REV1: variants seen among roughly 807,000 people sequenced by gnomAD.
REV1 encodes the protein translesion synthesis protein REV1.
Under a neutral mutation model 137.4 loss-of-function variants are expected in REV1, and 42 were observed. The ratio of observed to expected loss-of-function variants is 0.31; its 90% CI spans 0.24 to 0.40. The LOEUF (loss-of-function observed/expected upper bound fraction) is 0.40, where lower values mean the gene tolerates loss of function less well. Ranked by LOEUF, REV1 falls within the 10% of genes least tolerant of loss-of-function variation. REV1 has a pLI of 1.00. For synonymous variants in REV1, 524 were observed against 519.2 expected, an observed-to-expected ratio of 1.01 and a Z score of -0.12; for missense variants, 1,282 against 1,490.1, an observed-to-expected ratio of 0.86 and a Z score of 2.30.
intron 21 of REV1, 95 bp from the exon 22 acceptor site, chr2:99,402,441 T>G (rs537985367): frequency 2.5e-6 from 2 of 796,862 alleles, no homozygotes; most frequent in Admixed American, 5.4e-5. Flanking sequence ...TTTCTACAAC[T>G]ATGTCACTAA....
At position 99,420,871 on chromosome 2, in the gene REV1, T is replaced by C. The variant is rs530731771; in HGVS notation, c.1831+628A>G. 6.6e-5 allele frequency among the ~76,000 whole-genome samples: 10 copies of C among 152,140 alleles called. No individual in the cohort carries two copies. The East Asian group carries it at 1.9e-3, about 29-fold the overall frequency. ...AGTAACAGAATGGCAAGAAAAGGGGTATCTTGCCAGAAGGTAATGAGTGGG... is the reference window on the plus strand; with the variant it reads ...AGTAACAGAATGGCAAGAAAAGGGGCATCTTGCCAGAAGGTAATGAGTGGG... On this transcript the variant is annotated intron_variant, in intron 11 of 22. Transcript: ENST00000258428.
chr2:99,424,468 A>G (rs1679080506), intron 9 of REV1, 188 bp from the exon 10 acceptor site: 2 of 628,280 alleles, frequency 3.2e-6, no homozygotes, highest in South Asian at 4.0e-5. Flanking sequence ...AACTGTCTGA[A>G]TAGTGTAAAT....
At chr2:99,471,536 G>A (rs970096663) in intron 1 of REV1, among the ~76,000 whole-genome samples, 1 of 151,996 alleles carries the variant, frequency 6.6e-6, no homozygotes, top group Non-Finnish European at 1.5e-5. Context: ...TGGGGAAAAT[G>A]TAACAGAAAA....
chr2:99,422,709 C>G (rs537665207), intron 10 of REV1, among the ~76,000 whole-genome samples: 3 of 152,102 alleles, frequency 2.0e-5, no homozygotes, highest in Non-Finnish European at 4.4e-5. Flanking sequence ...GGATATTTTT[C>G]CCCTAAGAAT....
chr2:99,402,786 A>G lies in REV1; in HGVS notation c.3399T>C (p.Ala1133=), dbSNP rs1320369170. 2 of 1,614,242 alleles carry G rather than the reference A, an allele frequency of 1.2e-6. No homozygotes were observed. The highest frequency in any genetic ancestry group is 3.3e-4 in the Middle Eastern group (2 of 6,062). ...PAEKPLEELS[A]STSGVPGLSS... ...AAAGGCCTGGCACACCTGAAGTAGA[A>G]GCAGAGAGTTCTTCCTGTTAAGAAA... Residue 1133 remains alanine, a synonymous_variant, in exon 21 of 23, where the codon GCT becomes GCC. Coordinates refer to ENST00000258428, the MANE Select transcript of REV1 (RefSeq NM_016316.4).
chr2:99,484,790 C>T (rs1294205556), intron 1 of REV1, among the ~76,000 whole-genome samples: 2 of 152,144 alleles, frequency 1.3e-5, no homozygotes, highest in Non-Finnish European at 2.9e-5. Context: ...CGGCAAGCTT[C>T]CAAACAAAAA....
chr2:99,410,318 T>C (rs1676960591), intron 14 of REV1, among the ~76,000 whole-genome samples: 1 of 152,192 alleles, frequency 6.6e-6, no homozygotes, highest in Non-Finnish European at 1.5e-5. Context: ...GCCTGTATCA[T>C]TGTTTTTAAG....
chr2:99,465,447 A>G (rs1684686418), intron 1 of REV1, among the ~76,000 whole-genome samples: 1 of 152,218 alleles, frequency 6.6e-6, no homozygotes, highest in South Asian at 2.1e-4. Flanking sequence ...TGATTCACAT[A>G]TTCTGCCAAA....
At chr2:99,476,481 G>A (rs868847918) in intron 1 of REV1, among the ~76,000 whole-genome samples, 75 of 151,878 alleles carry the variant, frequency 4.9e-4, no homozygotes, top group African/African-American at 1.6e-3. Context: ...GCTTGAACCC[G>A]GGAGGCGGAG....
At chr2:99,434,961 C>G (rs1680556811) in intron 7 of REV1, among the ~76,000 whole-genome samples, 1 of 152,076 alleles carries the variant, frequency 6.6e-6, no homozygotes, top group African/African-American at 2.4e-5. Flanking sequence ...AACTTACTTT[C>G]CTGTATCATT....
intron 1 of REV1, 146 bp downstream of exon 1, chr2:99,489,671 C>G (rs1687495321): frequency 6.7e-6 from 1 of 149,446 alleles, no homozygotes; most frequent in Admixed American, 6.7e-5. Context: ...GGCCGCGGGC[C>G]GGGGCCGGGG....
At chr2:99,444,995 A>G (rs903240579) in intron 4 of REV1, among the ~76,000 whole-genome samples, 1 of 152,224 alleles carries the variant, frequency 6.6e-6, no homozygotes, top group Non-Finnish European at 1.5e-5. Context: ...ATGTACATTG[A>G]AACTATATTC....
intron 12 of REV1, among the ~76,000 whole-genome samples, chr2:99,414,769 G>A (rs1480694339): frequency 2.0e-5 from 3 of 151,960 alleles, no homozygotes; most frequent in Non-Finnish European, 4.4e-5. Context: ...TGATCTTTCC[G>A]TTACAGTTCT....
At chr2:99,418,651 C>A (rs1394725836) in intron 12 of REV1, among the ~76,000 whole-genome samples, 177 bp downstream of exon 12, 2 of 152,096 alleles carry the variant, frequency 1.3e-5, no homozygotes, top group African/African-American at 4.8e-5. Context: ...CCTGACAAAT[C>A]ATTTTAGGGG....
chr2:99,431,791 T>C, intron 8 of REV1: 1 of 985,108 alleles, frequency 1.0e-6, no homozygotes, highest in Non-Finnish European at 1.2e-6. Context: ...GCGGAGTGAG[T>C]TGCTTCATGT....
At position 99,403,717 on chromosome 2, in the gene REV1, G is replaced by T. The variant is rs373008850; in HGVS notation, c.3144C>A (p.His1048Gln). The change falls in exon 19 of 23, where the codon CAC (histidine) becomes CAA (glutamine). Residue 1048 changes from histidine to glutamine, a missense_variant. Coordinates refer to ENST00000258428, the MANE Select transcript of REV1 (RefSeq NM_016316.4). ...CACCAGATGCGCTGGCTGACTGCTG[G>T]TGAGTGCTGTTCTCGCCCTGCCTTT... ...QRQRQGENST[H>Q]QQSASASVPK... 6.8e-5 allele frequency: 109 copies of T among 1,614,054 alleles called. No homozygotes were observed. Among genetic ancestry groups the T allele is most frequent in the Non-Finnish European group, 9.0e-5 (106 of 1,180,036 alleles).
chr2:99,482,014 C>T (rs1426668583), intron 1 of REV1, among the ~76,000 whole-genome samples: 1 of 152,180 alleles, frequency 6.6e-6, no homozygotes, highest in Non-Finnish European at 1.5e-5. Context: ...GGGTGACTCC[C>T]AGTAGGCCCC....
chr2:99,411,312 A>C (rs1417498011), intron 13 of REV1, among the ~76,000 whole-genome samples: 1 of 152,002 alleles, frequency 6.6e-6, no homozygotes, highest in Admixed American at 6.6e-5. Flanking sequence ...ACAACAACAA[A>C]AACTGTTTGG....
At position 99,489,996 on chromosome 2, in the gene REV1, C is replaced by G. The variant is rs1301367825; in HGVS notation, c.-190G>C. On this transcript the variant is annotated 5_prime_UTR_variant, in exon 1 of 23. Transcript: ENST00000258428. ...CCCCCACGCTCGCGGCAACCAACCCCGCGCGCGCTCCGCGGTGGCTCTCCG... is the reference window on the plus strand; with the variant it reads ...CCCCCACGCTCGCGGCAACCAACCCGGCGCGCGCTCCGCGGTGGCTCTCCG... 6.7e-6 allele frequency: 1 copy of G among 150,020 alleles called. No homozygotes were observed. The highest frequency in any genetic ancestry group is 1.5e-5 in the Non-Finnish European group (1 of 67,326). The allele number at this position is 150,020 out of a possible 1,614,324, so 9.3% of individuals were successfully genotyped here. A position where few individuals can be genotyped will look rare whatever the true frequency, so the allele number is the denominator to read the frequency against.
Sources: gnomAD v4.1 joint callset for allele counts (sites outside exome capture counted in the v4.1 genomes callset) on GRCh38, gnomAD v4.1.1 for gene constraint, MANE v1.5 for transcripts, NCBI Gene and HGNC (gene_info 2026-07-23, HGNC 2026-07-21) for gene names.